The following ANKRD11 variants were observed in gnomAD, a reference collection of about 807,000 sequenced individuals.
ANKRD11 encodes the protein ankyrin repeat domain-containing protein 11.
A neutral mutation model predicts 195.7 loss-of-function variants in ANKRD11; 17 were observed. The observed-to-expected ratio is 0.09, with a 90% CI of 0.06 to 0.13. The LOEUF (loss-of-function observed/expected upper bound fraction) is 0.13. Ranked by LOEUF, ANKRD11 falls within the 10% of genes least tolerant of loss-of-function variation. The pLI is 1.00. For missense variants in ANKRD11, 3,735 were observed against 3,566.1 expected (o/e 1.05, Z -1.21); for synonymous variants, 1,953 against 1,528.1 (o/e 1.28, Z -6.49).
chr16:89,287,257 G>A (rs1340749835), intron 7 of ANKRD11: 2 of 419,102 alleles, frequency 4.8e-6, no homozygotes, highest in South Asian at 4.1e-5. Flanking sequence ...TCCTGCTTCT[G>A]GCATCTCTCA....
At chr16:89,438,659 C>T (rs1324881167) in intron 1 of ANKRD11, among the ~76,000 whole-genome samples, 1 of 152,078 alleles carries the variant, frequency 6.6e-6, no homozygotes, top group Non-Finnish European at 1.5e-5. Context: ...AAAAGACATA[C>T]TGGGTCATGA....
At chr16:89,297,344 A>G (rs892053786) in intron 4 of ANKRD11, among the ~76,000 whole-genome samples, 5 of 152,212 alleles carry the variant, frequency 3.3e-5, no homozygotes, top group African/African-American at 1.2e-4. Flanking sequence ...CGATATTTTC[A>G]AACAACAGAA....
chr16:89,290,140 T>C (rs1416711664), intron 6 of ANKRD11, among the ~76,000 whole-genome samples: 1 of 152,228 alleles, frequency 6.6e-6, no homozygotes, highest in Non-Finnish European at 1.5e-5. Flanking sequence ...AGTGTGGCTG[T>C]GAACACCCCG....
intron 1 of ANKRD11, among the ~76,000 whole-genome samples, chr16:89,450,811 A>G (rs2044036167): frequency 6.6e-6 from 1 of 152,100 alleles, no homozygotes; most frequent in Non-Finnish European, 1.5e-5. Context: ...AAGACATTCT[A>G]AATTCTATTT....
At position 89,284,598 on chromosome 16, in the gene ANKRD11, G is replaced by A. The variant is rs2034513358; in HGVS notation, c.1944C>T (p.Ile648=). 6.2e-7 allele frequency: 1 copy of A among 1,614,136 alleles called. No homozygotes were observed. Among genetic ancestry groups the A allele is most frequent in the Non-Finnish European group, 8.5e-7 (1 of 1,180,026 alleles). ...HKNKEKGQCS[I]SQELKLKSFT... ...AACTTTTCAACTTCAGCTCTTGGCT[G>A]ATGGAACACTGTCCCTTCTCCTTGT... Residue 648 remains isoleucine (I), a synonymous_variant, in exon 9 of 13, where the codon ATC becomes ATT. Coordinates refer to ENST00000301030, the MANE Select transcript of ANKRD11 (RefSeq NM_013275.6).
chr16:89,342,422 C>T (rs2152000907), intron 2 of ANKRD11, among the ~76,000 whole-genome samples: 1 of 152,322 alleles, frequency 6.6e-6, no homozygotes, highest in African/African-American at 2.4e-5. Flanking sequence ...CAGGATAAAC[C>T]AGCAATACTC....
At chr16:89,393,421 TCAAGCAATTCTCCCACCTCAGTC>T (rs1438028252) in intron 2 of ANKRD11, among the ~76,000 whole-genome samples, 1 of 151,348 alleles carries the variant, frequency 6.6e-6, no homozygotes, top group African/African-American at 2.4e-5. Context: ...CCTCCTGAGT[TCAAGCAATTCTCCCACCTCAGTC>T]CCCCATGTAG....
At chr16:89,370,201 T>C (rs2040133785) in intron 2 of ANKRD11, among the ~76,000 whole-genome samples, 1 of 152,234 alleles carries the variant, frequency 6.6e-6, no homozygotes, top group South Asian at 2.1e-4. Context: ...GGGGTGGAGC[T>C]GCTTCTTCTC....
chr16:89,377,322 G>A (rs1321561021), intron 2 of ANKRD11, among the ~76,000 whole-genome samples: 1 of 152,098 alleles, frequency 6.6e-6, no homozygotes, highest in African/African-American at 2.4e-5. Context: ...CATGAAAGAT[G>A]CCATCATTGT....
In ANKRD11 at chr16:89,390,063, C is replaced by T. The variant is rs147216092; in HGVS notation, c.-60+28221G>A. ...ACCGAGAGAAAGAAGATCACTGGGG[C>T]GAACACCGAGTGTGGCGGGGAGCAC... On this transcript the variant is annotated intron_variant, in intron 2 of 12. Coordinates refer to ENST00000301030, the MANE Select transcript of ANKRD11 (RefSeq NM_013275.6). Among the ~76,000 whole-genome samples, 86 of 59,800 alleles carry T rather than the reference C, an allele frequency of 1.4e-3. 1 individual carries two copies. Among genetic ancestry groups the T allele is most frequent in the African/African-American group, 1.0e-2 (76 of 7,620 alleles). The allele number at this position is 59,800 out of a possible 152,430, so 39.2% of individuals were successfully genotyped here.
chr16:89,361,187 A>T (rs2152057648), intron 2 of ANKRD11, among the ~76,000 whole-genome samples: 1 of 152,036 alleles, frequency 6.6e-6, no homozygotes, highest in African/African-American at 2.4e-5. Context: ...ACCCTAAACC[A>T]CCACCTCTGC....
chr16:89,373,704 C>T (rs115691313), intron 2 of ANKRD11, among the ~76,000 whole-genome samples: 4,460 of 152,298 alleles, frequency 0.029, 147 homozygotes, highest in African/African-American at 0.075. Context: ...CCTGCAGAAA[C>T]GCTGCAGACA....
At chr16:89,277,121 T>TA (rs1372480819) in intron 9 of ANKRD11, among the ~76,000 whole-genome samples, 1 of 151,858 alleles carries the variant, frequency 6.6e-6, no homozygotes, top group Non-Finnish European at 1.5e-5. Context: ...CTCACTCTGT[T>TA]CAGCACCACA....
chr16:89,423,600 C>T (rs1369057402), intron 1 of ANKRD11, among the ~76,000 whole-genome samples: 1 of 152,242 alleles, frequency 6.6e-6, no homozygotes, highest in African/African-American at 2.4e-5. Context: ...CAGCAGCAGG[C>T]ACTCAGCACC....
chr16:89,442,622 G>GATAA (rs1200104722), intron 1 of ANKRD11, among the ~76,000 whole-genome samples: 1 of 152,196 alleles, frequency 6.6e-6, no homozygotes, highest in Non-Finnish European at 1.5e-5. Flanking sequence ...CTCATTTCCA[G>GATAA]ATAAAGCTGA....
intron 1 of ANKRD11, among the ~76,000 whole-genome samples, chr16:89,428,691 C>G (rs1015759071): frequency 2.6e-5 from 4 of 151,358 alleles, no homozygotes; most frequent in East Asian, 2.0e-4. Flanking sequence ...GTCAGGAGTT[C>G]GAGACCAGCC....
chr16:89,457,493 G>A (rs1265439947), intron 1 of ANKRD11, among the ~76,000 whole-genome samples: 1 of 150,626 alleles, frequency 6.6e-6, no homozygotes, highest in Non-Finnish European at 1.5e-5. Context: ...AGCTACTCGG[G>A]AGGCTAGGGC....
At chr16:89,295,931 G>C (rs548390460) in intron 4 of ANKRD11, among the ~76,000 whole-genome samples, 3 of 132,490 alleles carry the variant, frequency 2.3e-5, no homozygotes, top group African/African-American at 2.8e-5. Flanking sequence ...GATTGGGGGG[G>C]GCTGTGAACC....
chr16:89,395,461 A>G (rs1055202857), intron 2 of ANKRD11, among the ~76,000 whole-genome samples: 11 of 152,266 alleles, frequency 7.2e-5, no homozygotes, highest in Non-Finnish European at 1.2e-4. Flanking sequence ...CACGGCTGGG[A>G]CACGTGCTGC....
Sources: gnomAD v4.1 joint callset for allele counts (sites outside exome capture counted in the v4.1 genomes callset) on GRCh38, gnomAD v4.1.1 for gene constraint, MANE v1.5 for transcripts, NCBI Gene and HGNC (gene_info 2026-07-23, HGNC 2026-07-21) for gene names.